RBM47: variants seen among roughly 807,000 people sequenced by gnomAD.
RBM47 encodes RNA binding motif protein 47, also known as RNA-binding protein 47.
A neutral mutation model predicts 47.1 loss-of-function variants in RBM47; 21 were observed. The ratio of observed to expected loss-of-function variants is 0.45; its 90% confidence interval spans 0.32 to 0.64. The LOEUF (loss-of-function observed/expected upper bound fraction) is 0.64. RBM47 is among the 30% of genes least tolerant of loss of function. The probability of loss-of-function intolerance (pLI) is 0.05; values close to 1 mark genes in which losing one functional copy is unlikely to be tolerated. For missense variants in RBM47, 708 were observed against 870.9 expected, an observed-to-expected ratio of 0.81 and a Z score of 2.35; for synonymous variants, 375 against 361.7, an observed-to-expected ratio of 1.04 and a Z score of -0.42.
intron 6 of RBM47, 101 bp from the exon 7 acceptor site, chr4:40,426,244 C>A: frequency 6.8e-7 from 1 of 1,461,556 alleles, no homozygotes; most frequent in Non-Finnish European, 9.2e-7. Flanking sequence ...TACAAAGACA[C>A]AAAAGCAAGG....
chr4:40,552,769 T>C (rs557082371), intron 1 of RBM47, among the ~76,000 whole-genome samples: 1 of 152,220 alleles, frequency 6.6e-6, no homozygotes, highest in Non-Finnish European at 1.5e-5. Context: ...GTGCTGGCTA[T>C]ACCACTGGCC....
At chr4:40,471,818 G>A (rs924318336) in intron 2 of RBM47, among the ~76,000 whole-genome samples, 1 of 151,952 alleles carries the variant, frequency 6.6e-6, no homozygotes, top group Admixed American at 6.6e-5. Context: ...GAGGCTCCAC[G>A]TCCTCCTCCA....
chr4:40,511,987 G>A (rs1002908651), intron 2 of RBM47, among the ~76,000 whole-genome samples: 2 of 151,556 alleles, frequency 1.3e-5, no homozygotes, highest in African/African-American at 2.4e-5. Context: ...AGATTGTACC[G>A]AATATGGATT....
intron 1 of RBM47, among the ~76,000 whole-genome samples, chr4:40,603,469 G>A (rs1735463390): frequency 6.6e-6 from 1 of 152,052 alleles, no homozygotes; most frequent in South Asian, 2.1e-4. Flanking sequence ...ATATAACCTA[G>A]GAGTGGAATC....
chr4:40,442,341 A>G (rs757908826), intron 3 of RBM47, among the ~76,000 whole-genome samples: 4 of 152,240 alleles, frequency 2.6e-5, no homozygotes, highest in Non-Finnish European at 5.9e-5. Flanking sequence ...TCATTAGGAT[A>G]GTTATTATAA....
At chr4:40,622,530 T>C (rs1737358859) in intron 1 of RBM47, among the ~76,000 whole-genome samples, 1 of 152,234 alleles carries the variant, frequency 6.6e-6, no homozygotes, top group Non-Finnish European at 1.5e-5. Flanking sequence ...TTGAGTGAGA[T>C]AGAGAAGCTC....
chr4:40,597,055 T>C (rs1229226515), intron 1 of RBM47, among the ~76,000 whole-genome samples: 1 of 151,930 alleles, frequency 6.6e-6, no homozygotes, highest in African/African-American at 2.4e-5. Flanking sequence ...GGTCAGGAGA[T>C]TGACACCATC....
At chr4:40,594,413 G>A (rs12641955) in intron 1 of RBM47, among the ~76,000 whole-genome samples, 49,385 of 151,936 alleles carry the variant, frequency 0.33, 8,984 homozygotes, top group African/African-American at 0.48. Flanking sequence ...CTTCTGGTAC[G>A]ACAGTCTTCC....
intron 1 of RBM47, among the ~76,000 whole-genome samples, chr4:40,618,901 C>G (rs1008279354): frequency 6.7e-6 from 1 of 149,236 alleles, no homozygotes; most frequent in Non-Finnish European, 1.5e-5. Flanking sequence ...CAAAATTGAA[C>G]TCCTGATCTC....
At position 40,583,360 on chromosome 4, in the gene RBM47, G is replaced by C. The variant is rs191828882; in HGVS notation, c.-239-38854C>G. Among the ~76,000 whole-genome samples, 226 of 141,800 alleles carry C rather than the reference G, an allele frequency of 1.6e-3. 3 individuals carry two copies. The highest frequency in any genetic ancestry group is 5.9e-3 in the African/African-American group (220 of 37,544). 93.0% of individuals were successfully genotyped at this position (141,800 alleles called of 152,430 possible). A position where few individuals can be genotyped will look rare whatever the true frequency, so the allele number is the denominator to read the frequency against. On this transcript the variant is annotated intron_variant, in intron 1 of 6. Transcript: ENST00000295971. ...ACCTGAGAGGTGGAGGTTGCAGTGA[G>C]CCGAGATCACGCCACTACTCCATCT...
At chr4:40,551,649 CTT>C (rs59601849) in intron 1 of RBM47, among the ~76,000 whole-genome samples, 28 of 134,612 alleles carry the variant, frequency 2.1e-4, no homozygotes, top group Non-Finnish European at 2.2e-4. Context: ...GCGTACTTTT[CTT>C]TTTTTTTTTT....
At chr4:40,438,991 C>T (rs1258046578) in intron 3 of RBM47, 67 bp from the exon 4 acceptor site, 6 of 1,368,142 alleles carry the variant, frequency 4.4e-6, no homozygotes, top group Non-Finnish European at 5.8e-6. Context: ...TTGTGTTTCG[C>T]AGCCTTGCAA....
At chr4:40,548,554 G>T (rs529097312) in intron 1 of RBM47, among the ~76,000 whole-genome samples, 1 of 152,366 alleles carries the variant, frequency 6.6e-6, no homozygotes, top group South Asian at 2.1e-4. Flanking sequence ...CAGACATAGG[G>T]ATGCTTGCCG....
At chr4:40,582,270 A>AGGTGGG (rs1733027649) in intron 1 of RBM47, among the ~76,000 whole-genome samples, 2 of 152,156 alleles carry the variant, frequency 1.3e-5, no homozygotes, top group African/African-American at 4.8e-5. Flanking sequence ...ATAGTGGCTC[A>AGGTGGG]CGCCTGTAAT....
intron 1 of RBM47, among the ~76,000 whole-genome samples, chr4:40,557,416 G>A (rs961317148): frequency 1.3e-5 from 2 of 152,124 alleles, no homozygotes; most frequent in East Asian, 3.9e-4. Flanking sequence ...TTCCCAGCAT[G>A]AAGCATAGCA....
chr4:40,437,928 C>G lies in RBM47; in HGVS notation c.966G>C (p.Glu322Asp). ...EVTLAKPVDKEQYSRYQKAAR... is the reference protein window; with the variant it reads ...EVTLAKPVDKDQYSRYQKAAR... The stretch of plus-strand genomic sequence containing the variant: ...CTGCCTTCTGGTAGCGCGAGTACTG[C>G]TCCTTGTCCACGGGCTTGGCCAGCG... The change falls in exon 4 of 7, where the codon GAG becomes GAC. Residue 322 changes from glutamate to aspartate, a missense_variant. By Grantham distance (45) the Glu-to-Asp change is conservative. Coordinates refer to ENST00000295971, the MANE Select transcript of RBM47 (RefSeq NM_001098634.2). 6 of 1,613,830 alleles carry G rather than the reference C, an allele frequency of 3.7e-6. No homozygotes were observed. The highest frequency in any genetic ancestry group is 5.1e-6 in the Non-Finnish European group (6 of 1,180,010).
In RBM47 at chr4:40,425,793, A is replaced by T; in HGVS notation, c.*111T>A. On this transcript the variant is annotated 3_prime_UTR_variant, in exon 7 of 7. Coordinates refer to ENST00000295971, the MANE Select transcript of RBM47 (RefSeq NM_001098634.2). Reference sequence around the variant, plus strand: ...ATAATTCAGAAATAAATCTGCTAACATTCTTCACTTTCAGGTTGCATGTGT... The same window carrying T: ...ATAATTCAGAAATAAATCTGCTAACTTTCTTCACTTTCAGGTTGCATGTGT... The T allele has an allele frequency of 7.1e-7, 1 of 1,412,086 alleles. No homozygotes were observed. Among genetic ancestry groups the T allele is most frequent in the Non-Finnish European group, 9.6e-7 (1 of 1,041,236 alleles). 87.5% of individuals were successfully genotyped at this position (1,412,086 alleles called of 1,614,324 possible). A position where few individuals can be genotyped will look rare whatever the true frequency, so the allele number is the denominator to read the frequency against.
intron 2 of RBM47, among the ~76,000 whole-genome samples, chr4:40,535,367 A>ATTTCTTTTTTTTTTTTTT (rs1727837416): frequency 3.0e-4 from 26 of 86,226 alleles, no homozygotes; most frequent in East Asian, 1.1e-3. Context: ...CTGGTATGGT[A>ATTTCTTTTTTTTTTTTTT]TTTCTTTTTT....
intron 1 of RBM47, among the ~76,000 whole-genome samples, chr4:40,605,083 C>T (rs374465736): frequency 2.0e-5 from 3 of 151,110 alleles, no homozygotes; most frequent in Non-Finnish European, 3.0e-5. Context: ...AGTGCAATGG[C>T]GCAATCTTGG....
Sources: gnomAD v4.1 joint callset for allele counts (sites outside exome capture counted in the v4.1 genomes callset) on GRCh38, gnomAD v4.1.1 for gene constraint, MANE v1.5 for transcripts, NCBI Gene and HGNC (gene_info 2026-07-23, HGNC 2026-07-21) for gene names.